The following ERBB4 variants were observed in gnomAD, a reference collection of about 807,000 sequenced individuals.
ERBB4 encodes receptor tyrosine-protein kinase erbB-4.
ERBB4 carries 42 observed loss-of-function variants against 158.0 expected under a neutral mutation model. That is an observed-to-expected ratio of 0.27 (90% CI 0.21 to 0.34). The LOEUF (loss-of-function observed/expected upper bound fraction) is 0.34. Ranked by LOEUF, ERBB4 falls within the 10% of genes least tolerant of loss-of-function variation. ERBB4 has a pLI of 1.00. For synonymous variants in ERBB4, 583 were observed against 558.7 expected, an observed-to-expected ratio of 1.04 and a Z score of -0.61; for missense variants, 1,333 against 1,624.1, an observed-to-expected ratio of 0.82 and a Z score of 3.08.
chr2:211,534,288 A>T (rs1162564067), intron 20 of ERBB4, among the ~76,000 whole-genome samples: 2 of 152,108 alleles, frequency 1.3e-5, no homozygotes, highest in Non-Finnish European at 2.9e-5. Flanking sequence ...ATTCAAAGGG[A>T]TAACAGATAA....
At chr2:212,084,717 A>G (rs566321640) in intron 2 of ERBB4, among the ~76,000 whole-genome samples, 66 of 152,090 alleles carry the variant, frequency 4.3e-4, no homozygotes, top group Non-Finnish European at 7.7e-4. Flanking sequence ...AACATAGAGA[A>G]AATAAATCTA....
At chr2:212,221,623 G>A (rs2083293222) in intron 1 of ERBB4, among the ~76,000 whole-genome samples, 2 of 151,460 alleles carry the variant, frequency 1.3e-5, no homozygotes. Context: ...AAGATTTGCT[G>A]AGCAAAGAGG....
chr2:212,304,266 A>T (rs1240475321), intron 1 of ERBB4, among the ~76,000 whole-genome samples: 1 of 151,488 alleles, frequency 6.6e-6, no homozygotes, highest in Non-Finnish European at 1.5e-5. Flanking sequence ...CAATCACGGA[A>T]AGCCCGTGAA....
intron 2 of ERBB4, among the ~76,000 whole-genome samples, chr2:211,993,911 TTTATAA>T (rs1324716055): frequency 6.6e-6 from 1 of 151,858 alleles, no homozygotes; most frequent in Admixed American, 6.6e-5. Flanking sequence ...AACTTACTTT[TTTATAA>T]TTATATGTTT....
chr2:212,339,972 A>G (rs2106316709), intron 1 of ERBB4, among the ~76,000 whole-genome samples: 1 of 152,276 alleles, frequency 6.6e-6, no homozygotes, highest in South Asian at 2.1e-4. Flanking sequence ...CTGTCCTACT[A>G]GAAATGACAG....
At chr2:212,025,952 G>C (rs551761519) in intron 2 of ERBB4, among the ~76,000 whole-genome samples, 1 of 151,824 alleles carries the variant, frequency 6.6e-6, no homozygotes, top group Admixed American at 6.6e-5. Flanking sequence ...AGCTTAACCT[G>C]TTCTCTTGTT....
At chr2:212,305,573 C>CAA (rs149644422) in intron 1 of ERBB4, among the ~76,000 whole-genome samples, 1 of 150,396 alleles carries the variant, frequency 6.6e-6, no homozygotes, top group Non-Finnish European at 1.5e-5. Flanking sequence ...TGAATCAAAG[C>CAA]AAAAAAAACC....
chr2:211,572,038 CT>C (rs1163953008), intron 19 of ERBB4, among the ~76,000 whole-genome samples: 1 of 151,920 alleles, frequency 6.6e-6, no homozygotes, highest in African/African-American at 2.4e-5. Context: ...CACTTTGTAT[CT>C]AATAATTTGC....
intron 1 of ERBB4, among the ~76,000 whole-genome samples, chr2:212,261,552 C>T (rs565416864): frequency 1.3e-5 from 2 of 152,182 alleles, no homozygotes; most frequent in East Asian, 1.9e-4. Context: ...AATTAAAATA[C>T]TATCCACAAT....
At chr2:211,434,524 A>C (rs73985439) in intron 20 of ERBB4, among the ~76,000 whole-genome samples, 40,101 of 151,966 alleles carry the variant, frequency 0.26, 5,996 homozygotes, top group South Asian at 0.54. Flanking sequence ...CAGTCTCCAA[A>C]ACTATGAGAA....
chr2:212,430,982 C>T (rs193120387), intron 1 of ERBB4, among the ~76,000 whole-genome samples: 45 of 152,146 alleles, frequency 3.0e-4, no homozygotes, highest in African/African-American at 7.7e-4. Flanking sequence ...ATAATAAATA[C>T]GCGGTTGCAC....
chr2:211,762,601 T>G (rs78135614), intron 4 of ERBB4, among the ~76,000 whole-genome samples: 1,990 of 152,300 alleles, frequency 0.013, 53 homozygotes, highest in African/African-American at 0.046. Context: ...CTCCATGACC[T>G]TCATCTGTCA....
chr2:211,405,420 GAT>G (rs2125363884), intron 25 of ERBB4, among the ~76,000 whole-genome samples: 1 of 152,188 alleles, frequency 6.6e-6, no homozygotes, highest in Non-Finnish European at 1.5e-5. Context: ...TCTTGCCTAA[GAT>G]AAACTTTTCT....
intron 2 of ERBB4, among the ~76,000 whole-genome samples, chr2:211,965,220 G>A (rs2081280764): frequency 6.6e-6 from 1 of 152,102 alleles, no homozygotes; most frequent in African/African-American, 2.4e-5. Context: ...AAAATATTAT[G>A]CTTTTTGATA....
intron 12 of ERBB4, among the ~76,000 whole-genome samples, chr2:211,699,956 A>G (rs2073170479): frequency 6.6e-6 from 1 of 152,054 alleles, no homozygotes; most frequent in Non-Finnish European, 1.5e-5. Flanking sequence ...TTTTTAATTC[A>G]AGTATAGACA....
At chr2:212,083,483 G>A (rs557441931) in intron 2 of ERBB4, among the ~76,000 whole-genome samples, 10 of 151,958 alleles carry the variant, frequency 6.6e-5, no homozygotes, top group Middle Eastern at 3.4e-3. Context: ...AATGCAATTC[G>A]AAAATGACAC....
At chr2:212,302,514 A>G (rs559226258) in intron 1 of ERBB4, among the ~76,000 whole-genome samples, 10 of 151,630 alleles carry the variant, frequency 6.6e-5, no homozygotes, top group Admixed American at 6.6e-4. Flanking sequence ...GGGGTGAATT[A>G]GAGTCCATTT....
At chr2:212,494,523 A>G (rs1690453555) in intron 1 of ERBB4, among the ~76,000 whole-genome samples, 1 of 152,002 alleles carries the variant, frequency 6.6e-6, no homozygotes, top group Admixed American at 6.6e-5. Context: ...GCCTGAGACT[A>G]TACTTTAGGC....
intron 20 of ERBB4, among the ~76,000 whole-genome samples, chr2:211,531,569 C>G (rs2066500053): frequency 1.3e-5 from 2 of 152,092 alleles, no homozygotes; most frequent in Non-Finnish European, 2.9e-5. Flanking sequence ...TGCTCAACAT[C>G]ATTGATCAAC....
Sources: allele counts gnomAD v4.1 joint callset (sites outside exome capture counted in the v4.1 genomes callset), GRCh38; gene constraint gnomAD v4.1.1; transcripts MANE v1.5; gene names NCBI Gene and HGNC (gene_info 2026-07-23, HGNC 2026-07-21).